BABAM2: variants seen among roughly 807,000 people sequenced by gnomAD.
BABAM2 encodes the protein BRISC and BRCA1-A complex member 2.
A neutral mutation model predicts 54.7 loss-of-function variants in BABAM2; 31 were observed. The ratio of observed to expected loss-of-function variants is 0.57; its 90% CI spans 0.43 to 0.77. The LOEUF (loss-of-function observed/expected upper bound fraction) is 0.77, where lower values mean the gene tolerates loss of function less well. BABAM2 is among the 30% of genes least tolerant of loss of function. The pLI is 0.00. For synonymous variants in BABAM2, 167 were observed against 162.9 expected, an observed-to-expected ratio of 1.03 and a Z score of -0.19; for missense variants, 364 against 455.8, an observed-to-expected ratio of 0.80 and a Z score of 1.83.
chr2:27,922,750 A>G (rs931116857), intron 2 of BABAM2, among the ~76,000 whole-genome samples: 16 of 152,338 alleles, frequency 1.1e-4, no homozygotes, highest in Middle Eastern at 3.4e-3. Flanking sequence ...CCAGACACAC[A>G]GTGAACACTG....
At chr2:28,276,984 C>T (rs971356184) in intron 10 of BABAM2, among the ~76,000 whole-genome samples, 4 of 152,158 alleles carry the variant, frequency 2.6e-5, no homozygotes, top group Admixed American at 6.5e-5. Context: ...TGTTCTGAGG[C>T]GCAGGGCTCT....
chr2:28,144,431 T>C (rs990164286), intron 7 of BABAM2, among the ~76,000 whole-genome samples: 1 of 152,182 alleles, frequency 6.6e-6, no homozygotes, highest in Non-Finnish European at 1.5e-5. Flanking sequence ...AGGGGTCAGC[T>C]CTAGACTTTG....
chr2:28,101,794 T>C (rs977921313), intron 6 of BABAM2, among the ~76,000 whole-genome samples: 1 of 152,302 alleles, frequency 6.6e-6, no homozygotes, highest in African/African-American at 2.4e-5. Flanking sequence ...TCACACATTT[T>C]TTTATTGCTC....
At chr2:28,043,177 A>G (rs6547819) in intron 5 of BABAM2, among the ~76,000 whole-genome samples, 108,631 of 148,622 alleles carry the variant, frequency 0.73, 40,793 homozygotes, top group Middle Eastern at 0.88. Context: ...CGCCCAGGCT[A>G]GAGTGCAGTG....
intron 4 of BABAM2, among the ~76,000 whole-genome samples, chr2:28,021,270 A>G (rs762287406): frequency 1.3e-5 from 2 of 152,196 alleles, no homozygotes; most frequent in Non-Finnish European, 2.9e-5. Flanking sequence ...AGCATGCACC[A>G]TGGAAGCAGT....
At chr2:27,890,158 A>G (rs138851838), upstream of BABAM2, 183 of 1,102,422 alleles carry the variant, frequency 1.7e-4, 2 homozygotes, top group East Asian at 4.5e-3. The surrounding 1 kb of genome is among the most constrained non-coding windows in gnomAD (Gnocchi z 4.8). Context: ...AGCACTGTCT[A>G]TCCCTGGAGA....
intron 5 of BABAM2, among the ~76,000 whole-genome samples, chr2:28,037,997 T>G (rs1345305652): frequency 6.6e-6 from 1 of 152,138 alleles, no homozygotes; most frequent in Non-Finnish European, 1.5e-5. Context: ...GGAAAGTATT[T>G]GACAAAATAA....
At chr2:28,298,889 A>G (rs1266566541) in intron 11 of BABAM2, among the ~76,000 whole-genome samples, 1 of 152,146 alleles carries the variant, frequency 6.6e-6, no homozygotes, top group Non-Finnish European at 1.5e-5. Context: ...CTCTATTTAG[A>G]GTAGAGGATA....
chr2:27,916,929 C>T (rs1667012620), intron 2 of BABAM2, among the ~76,000 whole-genome samples: 1 of 150,878 alleles, frequency 6.6e-6, no homozygotes, highest in Non-Finnish European at 1.5e-5. Flanking sequence ...GTGTGACTTT[C>T]ATAGTTTGAT....
At chr2:28,237,071 A>G (rs531519823) in intron 7 of BABAM2, 131 bp from the exon 8 acceptor site, 2 of 688,730 alleles carry the variant, frequency 2.9e-6, no homozygotes, top group South Asian at 1.7e-5. Flanking sequence ...TGAAGCCCAT[A>G]TACCCATCAT....
At chr2:28,015,848 G>A (rs532171003) in intron 4 of BABAM2, 14 of 745,302 alleles carry the variant, frequency 1.9e-5, no homozygotes, top group Non-Finnish European at 2.5e-5. Context: ...GCTTTTTCTC[G>A]TTCTTCACTG....
intron 10 of BABAM2, among the ~76,000 whole-genome samples, chr2:28,272,590 C>A (rs1323929758): frequency 6.6e-6 from 1 of 152,196 alleles, no homozygotes; most frequent in Non-Finnish European, 1.5e-5. Context: ...GGGAGCATAG[C>A]AGAAAGTCAA....
At chr2:27,941,542 C>T (rs982128279) in intron 3 of BABAM2, among the ~76,000 whole-genome samples, 3 of 148,532 alleles carry the variant, frequency 2.0e-5, no homozygotes, top group African/African-American at 7.5e-5. Context: ...GGTGACAGTG[C>T]AAGACTCCGT....
At chr2:28,151,837 A>C (rs1268318790) in intron 7 of BABAM2, among the ~76,000 whole-genome samples, 1 of 152,222 alleles carries the variant, frequency 6.6e-6, no homozygotes, top group African/African-American at 2.4e-5. Context: ...CTTGGAGAGA[A>C]GAGTTTCCAG....
chr2:28,158,292 A>T (rs1237241524), intron 7 of BABAM2, among the ~76,000 whole-genome samples: 1 of 152,250 alleles, frequency 6.6e-6, no homozygotes, highest in Non-Finnish European at 1.5e-5. Context: ...AATCAGCAAG[A>T]TAGTAAAACT....
intron 6 of BABAM2, among the ~76,000 whole-genome samples, chr2:28,046,839 GTGGTGTGACCA>G (rs1677617858): frequency 6.6e-6 from 1 of 151,080 alleles, no homozygotes; most frequent in East Asian, 1.9e-4. Context: ...CTGGAGTGTA[GTGGTGTGACCA>G]TAGCTCACCC....
intron 7 of BABAM2, among the ~76,000 whole-genome samples, chr2:28,159,816 T>C (rs1008827553): frequency 6.6e-6 from 1 of 151,300 alleles, no homozygotes; most frequent in Non-Finnish European, 1.5e-5. Context: ...GAGGCAGAGG[T>C]TGTGAGTCGA....
chr2:27,893,026 G>C (rs548245845), intron 1 of BABAM2, among the ~76,000 whole-genome samples: 1 of 152,224 alleles, frequency 6.6e-6, no homozygotes, highest in South Asian at 2.1e-4. Context: ...ACTGAAACAG[G>C]TTTTAATTTT....
chr2:27,959,506 A>T, intron 3 of BABAM2, among the ~76,000 whole-genome samples: 1 of 151,830 alleles, frequency 6.6e-6, no homozygotes, highest in East Asian at 1.9e-4. Context: ...TTTCACTTTT[A>T]ATCTCTGTCA....
Sources: allele counts gnomAD v4.1 joint callset (sites outside exome capture counted in the v4.1 genomes callset), GRCh38; gene constraint gnomAD v4.1.1; non-coding constraint Gnocchi (gnomAD v3.1); transcripts MANE v1.5; gene names NCBI Gene and HGNC (gene_info 2026-07-23, HGNC 2026-07-21).